SORCS2: variants seen among roughly 807,000 people sequenced by gnomAD.
SORCS2 encodes the protein VPS10 domain-containing receptor SorCS2.
In SORCS2, 100 loss-of-function variants were observed where a neutral mutation model predicts 141.6. The observed-to-expected ratio is 0.71, with a 90% CI of 0.60 to 0.83. The LOEUF (loss-of-function observed/expected upper bound fraction) is 0.83. Among genes scored for constraint, SORCS2 ranks in the 40% least tolerant of loss-of-function variants. SORCS2 has a pLI of 0.00. For synonymous variants in SORCS2, 789 were observed against 676.9 expected, an observed-to-expected ratio of 1.17 and a Z score of -2.57; for missense variants, 1,646 against 1,560.2, an observed-to-expected ratio of 1.05 and a Z score of -0.93.
chr4:7,200,743 C>T (rs773058742), intron 1 of SORCS2, among the ~76,000 whole-genome samples: 31 of 152,150 alleles, frequency 2.0e-4, no homozygotes, highest in Non-Finnish European at 3.5e-4. Flanking sequence ...GACTGAACCT[C>T]TCTGAGCCTT....
chr4:7,555,331 C>T (rs1306710447), intron 3 of SORCS2, among the ~76,000 whole-genome samples: 4 of 152,240 alleles, frequency 2.6e-5, no homozygotes, highest in African/African-American at 4.8e-5. Context: ...ATCCTGAGGG[C>T]ACTTTCTGGC....
chr4:7,448,202 G>C (rs1728127745), intron 2 of SORCS2, among the ~76,000 whole-genome samples: 1 of 152,272 alleles, frequency 6.6e-6, no homozygotes, highest in South Asian at 2.1e-4. Flanking sequence ...CCTGTGGCGT[G>C]CAAGCAAGCA....
intron 1 of SORCS2, among the ~76,000 whole-genome samples, chr4:7,365,577 T>C (rs910308067): frequency 2.0e-5 from 3 of 152,054 alleles, no homozygotes; most frequent in Non-Finnish European, 4.4e-5. Flanking sequence ...CACGCTGATG[T>C]GTAAAACAGA....
intron 1 of SORCS2, among the ~76,000 whole-genome samples, chr4:7,204,838 C>T (rs1003488283): frequency 6.6e-6 from 1 of 152,188 alleles, no homozygotes; most frequent in African/African-American, 2.4e-5. Flanking sequence ...ATAGGCTGGT[C>T]TGGTGCTGCG....
In SORCS2 at chr4:7,193,019, G is replaced by T. The variant is rs1291811762; in HGVS notation, c.373G>T (p.Gly125Ter). 6.7e-7 allele frequency: 1 copy of T among 1,493,190 alleles called. No individual in the cohort carries two copies. Among genetic ancestry groups the T allele is most frequent in the Admixed American group, 2.2e-5 (1 of 44,700 alleles). 92.5% of individuals were successfully genotyped at this position (1,493,190 alleles called of 1,614,324 possible). ...CTGGGAGCGGGCGGCGCCGCTGGCC[G>T]GAGTGGCTTCGCGGGCGCAGGTCTC... ...RRWERAAPLA[G>*]VASRAQVSLI... The change falls in exon 1 of 27, where the codon GGA becomes TGA. Residue 125 changes from glycine (G) to a stop codon, truncating the protein, a stop_gained. Transcript: ENST00000507866. LOFTEE classifies it high-confidence loss of function. The surrounding 1 kb of genome is among the most constrained non-coding windows in gnomAD (Gnocchi z 4.8).
At chr4:7,624,831 A>C (rs1345905752) in intron 3 of SORCS2, among the ~76,000 whole-genome samples, 1 of 152,242 alleles carries the variant, frequency 6.6e-6, no homozygotes, top group Non-Finnish European at 1.5e-5. Flanking sequence ...CAGGCAAACA[A>C]AACACGATTA....
chr4:7,528,013 T>A (rs1733804115), intron 2 of SORCS2, among the ~76,000 whole-genome samples: 1 of 151,958 alleles, frequency 6.6e-6, no homozygotes, highest in South Asian at 2.1e-4. Flanking sequence ...TCTGTCTCCT[T>A]GTGCTCTCTC....
At chr4:7,717,355 C>T (rs899726287) in intron 17 of SORCS2, among the ~76,000 whole-genome samples, 2 of 152,224 alleles carry the variant, frequency 1.3e-5, no homozygotes, top group African/African-American at 2.4e-5. Flanking sequence ...TTCACTCTGA[C>T]GTGATCTGCT....
chr4:7,463,975 C>T (rs1375073222), intron 2 of SORCS2, among the ~76,000 whole-genome samples: 4 of 152,162 alleles, frequency 2.6e-5, no homozygotes, highest in African/African-American at 9.7e-5. Context: ...AGAATTGGCA[C>T]GAGTGGCTCC....
At chr4:7,635,878 G>A (rs542443889) in intron 3 of SORCS2, among the ~76,000 whole-genome samples, 8 of 152,304 alleles carry the variant, frequency 5.3e-5, no homozygotes, top group African/African-American at 7.2e-5. Context: ...TTGTGCTAGC[G>A]GAGATTAATG....
intron 1 of SORCS2, among the ~76,000 whole-genome samples, chr4:7,228,830 A>G (rs1472326651): frequency 1.3e-5 from 2 of 152,204 alleles, no homozygotes; most frequent in Non-Finnish European, 2.9e-5. Context: ...CAGGGCCACC[A>G]TCTAAAACAG....
intron 2 of SORCS2, among the ~76,000 whole-genome samples, chr4:7,499,691 C>CG (rs1553875033): frequency 0.033 from 5,008 of 152,004 alleles, 182 homozygotes; most frequent in African/African-American, 0.09. Context: ...AGCCATGCCC[C>CG]GGGAGACCCT....
At chr4:7,322,672 C>T (rs1385121990) in intron 1 of SORCS2, among the ~76,000 whole-genome samples, 1 of 152,206 alleles carries the variant, frequency 6.6e-6, no homozygotes, top group Non-Finnish European at 1.5e-5. Context: ...AGTCTCAGCC[C>T]CTAAGCCGTC....
chr4:7,478,270 C>A (rs557334379), intron 2 of SORCS2, among the ~76,000 whole-genome samples: 1 of 152,156 alleles, frequency 6.6e-6, no homozygotes, highest in Non-Finnish European at 1.5e-5. Flanking sequence ...GAAGGAGGCT[C>A]GCTTCCTTTC....
At chr4:7,738,191 G>A (rs1436369902) in intron 26 of SORCS2, among the ~76,000 whole-genome samples, 1 of 152,250 alleles carries the variant, frequency 6.6e-6, no homozygotes, top group Non-Finnish European at 1.5e-5. Context: ...GATGAGGGGG[G>A]AAACTGAGGC....
At chr4:7,366,162 G>A (rs528746276) in intron 1 of SORCS2, among the ~76,000 whole-genome samples, 1 of 152,228 alleles carries the variant, frequency 6.6e-6, no homozygotes, top group East Asian at 1.9e-4. Flanking sequence ...TCCTTGGCAG[G>A]CCCCGTCATC....
At chr4:7,262,661 AG>A (rs1409561245) in intron 1 of SORCS2, among the ~76,000 whole-genome samples, 1 of 152,212 alleles carries the variant, frequency 6.6e-6, no homozygotes, top group African/African-American at 2.4e-5. Context: ...GAGGGGTTCA[AG>A]GAGGGCCTCT....
At chr4:7,711,413 T>G (rs990227243) in intron 14 of SORCS2, among the ~76,000 whole-genome samples, 1 of 152,128 alleles carries the variant, frequency 6.6e-6, no homozygotes, top group African/African-American at 2.4e-5. Context: ...CCATCCCCAG[T>G]TGGGGGTGCT....
intron 1 of SORCS2, among the ~76,000 whole-genome samples, chr4:7,342,691 C>T (rs933662866): frequency 3.3e-5 from 5 of 152,230 alleles, no homozygotes; most frequent in Admixed American, 6.5e-5. Context: ...TCAGGACTTC[C>T]GAGGCCAGGG....
Sources: allele counts gnomAD v4.1 joint callset (sites outside exome capture counted in the v4.1 genomes callset), GRCh38; gene constraint gnomAD v4.1.1; non-coding constraint Gnocchi (gnomAD v3.1); transcripts MANE v1.5; gene names NCBI Gene and HGNC (gene_info 2026-07-23, HGNC 2026-07-21).